The following GALNT13 variants were observed in gnomAD, a reference collection of about 807,000 sequenced individuals.
GALNT13 encodes the protein UDP-GalNAc:polypeptide N-acetylgalactosaminyltransferase 13.
A neutral mutation model predicts 64.2 loss-of-function variants in GALNT13; 28 were observed. The ratio of observed to expected loss-of-function variants is 0.44; its 90% confidence interval spans 0.32 to 0.60. The LOEUF is 0.60. Among genes scored for constraint, GALNT13 ranks in the 20% least tolerant of loss-of-function variants. The pLI is 0.05. For synonymous variants in GALNT13, 214 were observed against 224.6 expected, an observed-to-expected ratio of 0.95 and a Z score of 0.42; for missense variants, 577 against 669.8, an observed-to-expected ratio of 0.86 and a Z score of 1.53.
chr2:153,467,382 G>A, the GALNT13 span, among the ~76,000 whole-genome samples: 2 of 151,920 alleles, frequency 1.3e-5, no homozygotes, highest in Non-Finnish European at 2.9e-5. Context: ...AAAGCTGTAC[G>A]GGTGGATCCA....
the GALNT13 span, among the ~76,000 whole-genome samples, chr2:153,759,519 G>C: frequency 2.0e-5 from 3 of 152,042 alleles, no homozygotes; most frequent in African/African-American, 7.2e-5. Context: ...ATGAAAGGAT[G>C]CTGAATTTTG....
the GALNT13 span, among the ~76,000 whole-genome samples, chr2:153,402,943 C>G: frequency 0.029 from 4,380 of 152,256 alleles, 195 homozygotes; most frequent in African/African-American, 0.098. Flanking sequence ...AAGTCATTCT[C>G]CATCCAGCTT....
chr2:153,434,396 A>G, the GALNT13 span, among the ~76,000 whole-genome samples: 3 of 152,122 alleles, frequency 2.0e-5, no homozygotes, highest in African/African-American at 7.2e-5. Flanking sequence ...ATCCCTGAGG[A>G]ATCGCCACAC....
intron 4 of GALNT13, among the ~76,000 whole-genome samples, chr2:154,188,173 A>G (rs1444575131): frequency 6.6e-6 from 1 of 152,114 alleles, no homozygotes; most frequent in Non-Finnish European, 1.5e-5. Flanking sequence ...AGATGTACAA[A>G]TGTCAGGGAA....
intron 9 of GALNT13, among the ~76,000 whole-genome samples, chr2:154,369,205 T>C (rs1697543674): frequency 6.6e-6 from 1 of 152,042 alleles, no homozygotes; most frequent in Non-Finnish European, 1.5e-5. Flanking sequence ...ACACTAAGTA[T>C]CTCGTATTTC....
the GALNT13 span, among the ~76,000 whole-genome samples, chr2:153,507,086 C>T: frequency 1.3e-5 from 2 of 152,040 alleles, no homozygotes; most frequent in South Asian, 2.1e-4. Flanking sequence ...TGGGTTAGTT[C>T]AAAAGCCTTG....
intron 3 of GALNT13, among the ~76,000 whole-genome samples, chr2:153,993,709 A>AAAG (rs1158546597): frequency 6.6e-6 from 1 of 151,436 alleles, no homozygotes; most frequent in Admixed American, 6.6e-5. Context: ...AAAAAAAAAA[A>AAAG]AAAAGATAAA....
At chr2:153,436,560 G>A in the GALNT13 span, among the ~76,000 whole-genome samples, 1 of 151,940 alleles carries the variant, frequency 6.6e-6, no homozygotes, top group Admixed American at 6.6e-5. Context: ...GTCTTGGGAG[G>A]GTGTATGTGT....
At chr2:153,590,153 G>T in the GALNT13 span, among the ~76,000 whole-genome samples, 1 of 151,938 alleles carries the variant, frequency 6.6e-6, no homozygotes, top group Non-Finnish European at 1.5e-5. Flanking sequence ...TAAAAAGGAG[G>T]CATTACAATT....
chr2:153,693,483 A>G, the GALNT13 span, among the ~76,000 whole-genome samples: 1 of 152,166 alleles, frequency 6.6e-6, no homozygotes, highest in African/African-American at 2.4e-5. Flanking sequence ...TGTAAACCAA[A>G]AAGTGACTGA....
the GALNT13 span, among the ~76,000 whole-genome samples, chr2:153,384,328 C>G: frequency 6.6e-6 from 1 of 152,028 alleles, no homozygotes; most frequent in Non-Finnish European, 1.5e-5. Context: ...AAGGCTCTAT[C>G]TGACAAATAT....
At chr2:153,139,839 T>C in the GALNT13 span, among the ~76,000 whole-genome samples, 103 of 152,130 alleles carry the variant, frequency 6.8e-4, no homozygotes, top group Middle Eastern at 3.4e-3. Flanking sequence ...GCTTGAGTAA[T>C]GTATTTGAGA....
At chr2:153,369,824 G>A in the GALNT13 span, among the ~76,000 whole-genome samples, 1 of 152,144 alleles carries the variant, frequency 6.6e-6, no homozygotes. Context: ...ACTTGAGTCA[G>A]CTTGGAAGTG....
At chr2:154,301,687 A>G in intron 9 of GALNT13, 98 bp downstream of exon 9, 1 of 797,862 alleles carries the variant, frequency 1.3e-6, no homozygotes, top group Non-Finnish European at 2.0e-6. Flanking sequence ...TCTAGTTAAA[A>G]TATTGTTTAT....
At chr2:154,380,302 A>G (rs1003947024) in intron 9 of GALNT13, among the ~76,000 whole-genome samples, 5 of 151,974 alleles carry the variant, frequency 3.3e-5, no homozygotes, top group Admixed American at 2.6e-4. Flanking sequence ...ACTCAGAGGG[A>G]TCATTCACAT....
At chr2:153,656,017 G>T in the GALNT13 span, among the ~76,000 whole-genome samples, 1 of 152,034 alleles carries the variant, frequency 6.6e-6, no homozygotes, top group Admixed American at 6.6e-5. Flanking sequence ...TCATTTGAAA[G>T]CTTGCCCGCT....
the GALNT13 span, among the ~76,000 whole-genome samples, chr2:153,716,109 G>A: frequency 6.6e-6 from 1 of 152,148 alleles, no homozygotes; most frequent in African/African-American, 2.4e-5. Context: ...CCTTTGAGCT[G>A]ATTATTTTCT....
At chr2:153,980,261 G>A (rs184929546) in intron 3 of GALNT13, among the ~76,000 whole-genome samples, 17 of 152,174 alleles carry the variant, frequency 1.1e-4, no homozygotes, top group African/African-American at 2.4e-4. Flanking sequence ...CACCACTGAA[G>A]GATTATAAAC....
chr2:154,392,327 G>A (rs707051), intron 9 of GALNT13, among the ~76,000 whole-genome samples: 47,710 of 151,980 alleles, frequency 0.31, 8,035 homozygotes, highest in African/African-American at 0.43. Context: ...ATGTAACCAT[G>A]TATGGGAAAC....
Sources: allele counts gnomAD v4.1 joint callset (sites outside exome capture counted in the v4.1 genomes callset), GRCh38; gene constraint gnomAD v4.1.1; transcripts MANE v1.5; gene names NCBI Gene and HGNC (gene_info 2026-07-23, HGNC 2026-07-21).